Variants in PI4K2B observed in about 807,000 individuals in gnomAD.
The protein encoded by PI4K2B is phosphatidylinositol 4-kinase type 2 beta, also known as phosphatidylinositol 4-kinase type 2-beta.
A neutral mutation model predicts 56.6 loss-of-function variants in PI4K2B; 46 were observed. That is an observed-to-expected ratio of 0.81 (90% CI 0.64 to 1.04). PI4K2B has a LOEUF of 1.04. Among genes scored for constraint, PI4K2B ranks in the 50% least tolerant of loss-of-function variants. The probability of loss-of-function intolerance (pLI) is 0.00; values close to 1 mark genes in which losing one functional copy is unlikely to be tolerated. For synonymous variants in PI4K2B, 211 were observed against 223.8 expected, an observed-to-expected ratio of 0.94 and a Z score of 0.51; for missense variants, 556 against 607.7, an observed-to-expected ratio of 0.91 and a Z score of 0.89.
intron 9 of PI4K2B, among the ~76,000 whole-genome samples, chr4:25,271,178 G>T (rs1349555877): frequency 1.3e-5 from 2 of 152,212 alleles, no homozygotes; most frequent in African/African-American, 2.4e-5. Flanking sequence ...TTAAGTGAAG[G>T]CTCGAGAAAT....
At chr4:25,251,472 T>G (rs1716048113) in intron 1 of PI4K2B, among the ~76,000 whole-genome samples, 1 of 152,004 alleles carries the variant, frequency 6.6e-6, no homozygotes, top group Non-Finnish European at 1.5e-5. Flanking sequence ...GTTGATTTTG[T>G]GAAGACCCAG....
intron 4 of PI4K2B, 125 bp downstream of exon 4, chr4:25,256,799 T>G: frequency 1.2e-6 from 1 of 862,542 alleles, no homozygotes; most frequent in South Asian, 1.7e-5. Context: ...TCCAGGAGCT[T>G]ATAGTAAACA....
intron 6 of PI4K2B, among the ~76,000 whole-genome samples, 168 bp from the exon 7 acceptor site, chr4:25,263,582 C>A (rs891023313): frequency 6.6e-6 from 1 of 152,022 alleles, no homozygotes; most frequent in Non-Finnish European, 1.5e-5. Context: ...TTTTTTCAGA[C>A]AGTCTCTTCC....
At chr4:25,258,263 A>C (rs1716327815) in intron 4 of PI4K2B, among the ~76,000 whole-genome samples, 1 of 131,790 alleles carries the variant, frequency 7.6e-6, no homozygotes, top group African/African-American at 2.8e-5. Flanking sequence ...GTTGGAGTGC[A>C]GTGGTGCAAT....
intron 2 of PI4K2B, chr4:25,254,354 T>C: frequency 1.2e-6 from 1 of 810,064 alleles, no homozygotes. Flanking sequence ...AGATAGTGAA[T>C]AATAACACTG....
At chr4:25,244,813 G>A (rs914663344) in intron 1 of PI4K2B, among the ~76,000 whole-genome samples, 2 of 152,114 alleles carry the variant, frequency 1.3e-5, no homozygotes, top group South Asian at 2.1e-4. Flanking sequence ...CCAAGAACCC[G>A]CAACGGTCCC....
chr4:25,238,518 G>A (rs1560364899), intron 1 of PI4K2B, among the ~76,000 whole-genome samples: 3 of 152,290 alleles, frequency 2.0e-5, no homozygotes, highest in Non-Finnish European at 4.4e-5. Context: ...AGTTCTTAAA[G>A]GCGGTGTGTT....
chr4:25,259,175 A>T lies in PI4K2B; in HGVS notation c.895A>T (p.Ile299Phe), dbSNP rs765925650. ...QFERLVILDY[I>F]IRNTDRGNDN... ...TGAAAGATTAGTTATTTTGGATTAC[A>T]TCATCAGAAATACAGGTATTGAAGT... Residue 299 changes from isoleucine (I) to phenylalanine (F), a missense_variant, in exon 5 of 10, where the codon ATC becomes TTC. Ile to Phe is a conservative substitution (Grantham distance 21). Coordinates refer to ENST00000264864, the MANE Select transcript of PI4K2B (RefSeq NM_018323.4). The T allele has an allele frequency of 5.1e-6, 8 of 1,560,618 alleles. No homozygotes were observed. The highest frequency in any genetic ancestry group is 1.7e-5 in the Admixed American group (1 of 57,344).
In PI4K2B at chr4:25,243,823, C is replaced by T. The variant is rs187538151; in HGVS notation, c.269-8498C>T. On this transcript the variant is annotated intron_variant, in intron 1 of 9. Coordinates refer to ENST00000264864, the MANE Select transcript of PI4K2B (RefSeq NM_018323.4). ...TTCTCAGTCTTTCTAGAACACAGGT[C>T]GACAGATGTTTACGACTCCAGTCCC... Among the ~76,000 whole-genome samples the T allele has an allele frequency of 3.4e-3, 519 of 152,234 alleles. 5 individuals are homozygous for T. The highest frequency in any genetic ancestry group is 0.012 in the African/African-American group (491 of 41,512).
At chr4:25,254,078 G>C (rs982535497) in intron 2 of PI4K2B, among the ~76,000 whole-genome samples, 4 of 152,130 alleles carry the variant, frequency 2.6e-5, no homozygotes, top group Admixed American at 1.3e-4. Context: ...ACTTTAAATT[G>C]GTTCCTGAAA....
intron 7 of PI4K2B, among the ~76,000 whole-genome samples, chr4:25,266,775 TGAGA>T (rs993116115): frequency 6.6e-6 from 1 of 152,136 alleles, no homozygotes; most frequent in Admixed American, 6.6e-5. Flanking sequence ...TTCTGGGATA[TGAGA>T]GAGAGGAAAT....
intron 1 of PI4K2B, among the ~76,000 whole-genome samples, chr4:25,240,591 T>G (rs1715474292): frequency 6.6e-6 from 1 of 152,178 alleles, no homozygotes; most frequent in South Asian, 2.1e-4. Context: ...TTAGAAAGAC[T>G]AAGGTGCAGG....
chr4:25,252,197 A>G, intron 1 of PI4K2B, 124 bp from the exon 2 acceptor site: 1 of 594,884 alleles, frequency 1.7e-6, no homozygotes, highest in Non-Finnish European at 2.9e-6. Flanking sequence ...AAGGAGGATT[A>G]GAGCAGTCTA....
chr4:25,263,014 C>A (rs1413735266), intron 6 of PI4K2B, among the ~76,000 whole-genome samples: 1 of 152,128 alleles, frequency 6.6e-6, no homozygotes, highest in African/African-American at 2.4e-5. Context: ...GCAGAAGGCA[C>A]CTCTTCACAG....
At chr4:25,254,092 T>C (rs56063148) in intron 2 of PI4K2B, among the ~76,000 whole-genome samples, 1 of 151,990 alleles carries the variant, frequency 6.6e-6, no homozygotes, top group South Asian at 2.1e-4. Flanking sequence ...CCTGAAAAAA[T>C]AGCTGGAAAA....
chr4:25,267,778 A>G, intron 7 of PI4K2B: 1 of 981,062 alleles, frequency 1.0e-6, no homozygotes, highest in Non-Finnish European at 1.2e-6. Context: ...AATTAGAGAT[A>G]GCTTAGAGTC....
intron 1 of PI4K2B, among the ~76,000 whole-genome samples, chr4:25,249,594 G>A (rs1485372872): frequency 2.3e-4 from 33 of 145,786 alleles, no homozygotes; most frequent in African/African-American, 5.6e-4. Context: ...GGCGGCTGCT[G>A]GGCGGAGGGG....
chr4:25,238,275 C>G (rs1715353064), intron 1 of PI4K2B, among the ~76,000 whole-genome samples: 1 of 152,150 alleles, frequency 6.6e-6, no homozygotes, highest in African/African-American at 2.4e-5. Flanking sequence ...GTTATTTGAA[C>G]CAAAACAGAA....
Position 25,263,751 on chromosome 4 carries a change from A to T in PI4K2B, c.980A>T (p.Glu327Val). The T allele has an allele frequency of 8.3e-7, 1 of 1,203,200 alleles. No homozygotes were observed. The highest frequency in any genetic ancestry group is 1.2e-6 in the Non-Finnish European group (1 of 807,636). The allele number at this position is 1,203,200 out of a possible 1,614,324, so 74.5% of individuals were successfully genotyped here. A position where few individuals can be genotyped will look rare whatever the true frequency, so the allele number is the denominator to read the frequency against. ...QKCEKEIDHKESKWIDDEEFL... is the reference protein window; with the variant it reads ...QKCEKEIDHKVSKWIDDEEFL... ...ACATATCATTTTTCTACTCTATAGG[A>T]ATCAAAATGGATTGATGATGAAGAA... The change falls in exon 7 of 10, where the codon GAA becomes GTA. Residue 327 changes from glutamate to valine, a missense_variant and splice_region_variant. Coordinates refer to ENST00000264864, the MANE Select transcript of PI4K2B (RefSeq NM_018323.4).
Sources: gnomAD v4.1 joint callset for allele counts (sites outside exome capture counted in the v4.1 genomes callset) on GRCh38, gnomAD v4.1.1 for gene constraint, MANE v1.5 for transcripts, NCBI Gene and HGNC (gene_info 2026-07-23, HGNC 2026-07-21) for gene names.